Variants in TCF20 observed in about 807,000 individuals in gnomAD.
TCF20 encodes SPRE-binding protein.
In TCF20, 3 loss-of-function variants were observed where a neutral mutation model predicts 148.6. The observed-to-expected ratio is 0.02, with a 90% confidence interval of 0.01 to 0.05. TCF20 has a LOEUF of 0.05. TCF20 is among the 10% of genes least tolerant of loss of function. The pLI is 1.00. For missense variants in TCF20, 2,350 were observed against 2,429.3 expected (o/e 0.97, Z 0.69); for synonymous variants, 1,049 against 909.5 (o/e 1.15, Z -2.76).
At chr22:42,308,145 G>A (rs539886357) in intron 1 of TCF20, among the ~76,000 whole-genome samples, 12 of 152,186 alleles carry the variant, frequency 7.9e-5, no homozygotes, top group East Asian at 5.8e-4. Context: ...TCTATAATGC[G>A]TGGAGCCCTG....
chr22:42,230,932 G>C (rs1923343003), intron 1 of TCF20, among the ~76,000 whole-genome samples: 3 of 152,186 alleles, frequency 2.0e-5, no homozygotes, highest in Non-Finnish European at 4.4e-5. Context: ...GCCAAGGTGG[G>C]TGGATCACAT....
chr22:42,310,437 T>A (rs1456699807), intron 1 of TCF20, among the ~76,000 whole-genome samples: 1 of 108,414 alleles, frequency 9.2e-6, no homozygotes. Context: ...CTCTGGGGGG[T>A]TGTGCGGGGG....
intron 5 of TCF20, among the ~76,000 whole-genome samples, chr22:42,165,025 G>A (rs1935696168): frequency 1.3e-5 from 2 of 152,226 alleles, no homozygotes. Flanking sequence ...GACAGGACTG[G>A]AGGGAGGCCT....
chr22:42,238,826 AG>A (rs1485969369), intron 1 of TCF20, among the ~76,000 whole-genome samples: 1 of 152,258 alleles, frequency 6.6e-6, no homozygotes, highest in East Asian at 1.9e-4. Context: ...CAATTACAAA[AG>A]TAACATCAGG....
At chr22:42,265,570 T>C (rs1249391792) in intron 1 of TCF20, among the ~76,000 whole-genome samples, 2 of 152,240 alleles carry the variant, frequency 1.3e-5, no homozygotes, top group African/African-American at 4.8e-5. Flanking sequence ...AATGGTTTTA[T>C]TGTTTTGCTT....
chr22:42,332,789 A>C (rs553466516), intron 1 of TCF20, among the ~76,000 whole-genome samples: 13 of 152,308 alleles, frequency 8.5e-5, no homozygotes, highest in Non-Finnish European at 1.5e-4. Context: ...TGATAAAGCA[A>C]CTGCATGGGC....
chr22:42,295,111 GC>G, intron 1 of TCF20, among the ~76,000 whole-genome samples: 1 of 152,332 alleles, frequency 6.6e-6, no homozygotes, highest in South Asian at 2.1e-4. Flanking sequence ...AGCGTGGGGG[GC>G]AGGGCACAGG....
chr22:42,321,336 A>G (rs963858342), intron 1 of TCF20, among the ~76,000 whole-genome samples: 4 of 152,206 alleles, frequency 2.6e-5, no homozygotes, highest in African/African-American at 9.6e-5. Flanking sequence ...GGAAGGAAGA[A>G]GCCTGTCCCA....
chr22:42,161,409 C>G (rs930237666), intron 5 of TCF20, 51 bp from the exon 6 acceptor site: 1 of 1,612,826 alleles, frequency 6.2e-7, no homozygotes, highest in Non-Finnish European at 8.5e-7. Context: ...ACAGGGTCCA[C>G]CACCAACAGC....
At chr22:42,255,496 ACAACAAC>A (rs1569189378) in intron 1 of TCF20, among the ~76,000 whole-genome samples, 21 of 121,418 alleles carry the variant, frequency 1.7e-4, no homozygotes, top group Admixed American at 4.8e-4. Flanking sequence ...TCAAACAACA[ACAACAAC>A]AACAACAACA....
At chr22:42,179,110 G>A (rs1569109998) in intron 3 of TCF20, among the ~76,000 whole-genome samples, 1 of 151,116 alleles carries the variant, frequency 6.6e-6, no homozygotes, top group Non-Finnish European at 1.5e-5. Flanking sequence ...GAACACTCAT[G>A]CACTGCCACT....
chr22:42,238,468 C>T (rs1924080060), intron 1 of TCF20, among the ~76,000 whole-genome samples: 1 of 152,192 alleles, frequency 6.6e-6, no homozygotes, highest in Non-Finnish European at 1.5e-5. Flanking sequence ...TAACTTTCTT[C>T]AAGAACCTTT....
intron 1 of TCF20, among the ~76,000 whole-genome samples, chr22:42,252,881 T>C (rs773927737): frequency 2.6e-5 from 4 of 152,168 alleles, no homozygotes; most frequent in Admixed American, 1.3e-4. Flanking sequence ...AACTCTAGAA[T>C]AAAAATACTG....
intron 3 of TCF20, among the ~76,000 whole-genome samples, chr22:42,172,005 T>C (rs1936160449): frequency 6.6e-6 from 1 of 152,152 alleles, no homozygotes; most frequent in South Asian, 2.1e-4. Context: ...TCCCTCTGAG[T>C]TAGAAGCAGA....
chr22:42,195,101 A>G (rs925602255), intron 2 of TCF20, among the ~76,000 whole-genome samples: 1 of 148,518 alleles, frequency 6.7e-6, no homozygotes, highest in Non-Finnish European at 1.5e-5. Flanking sequence ...CTGAATCCCC[A>G]CCAAACCTGT....
chr22:42,209,684 G>A lies in TCF20; in HGVS notation c.5622C>T (p.Gly1874=). 6.2e-7 allele frequency: 1 copy of A among 1,613,824 alleles called. No homozygotes were observed. Among genetic ancestry groups the A allele is most frequent in the Non-Finnish European group, 8.5e-7 (1 of 1,179,862 alleles). ...GIYLVCGRLY[G]LQEALEIARE... is the part of the protein sequence containing the mutation. ...TGGCTATTTCCAGCGCTTCCTGCAG[G>A]CCATAGAGCCTGCCACAAACCAGGT... Residue 1874 remains glycine (G), a synonymous_variant, in exon 2 of 6, where the codon GGC becomes GGT. Transcript: ENST00000677622.
intron 1 of TCF20, among the ~76,000 whole-genome samples, chr22:42,308,247 C>A (rs1043942452): frequency 3.3e-5 from 5 of 152,136 alleles, no homozygotes; most frequent in African/African-American, 1.2e-4. Flanking sequence ...ACCCACCTGA[C>A]CCTCAACCCC....
chr22:42,165,173 T>TC (rs1280950476), intron 5 of TCF20, among the ~76,000 whole-genome samples: 1 of 152,196 alleles, frequency 6.6e-6, no homozygotes, highest in Non-Finnish European at 1.5e-5. Flanking sequence ...CTGGACTGCC[T>TC]CTGGACCAGT....
chr22:42,183,371 G>C lies in TCF20; in HGVS notation c.5656-3669C>G, dbSNP rs116049462. On this transcript the variant is annotated intron_variant, in intron 2 of 5. Coordinates refer to ENST00000677622, the MANE Select transcript of TCF20 (RefSeq NM_001378418.1). Reference sequence around the variant, plus strand: ...ACCTTGAGATGGGAAGAATATGCTAGGTTATCCAGGTGGGCCCAATCTAAT... The same window carrying C: ...ACCTTGAGATGGGAAGAATATGCTACGTTATCCAGGTGGGCCCAATCTAAT... Among the ~76,000 whole-genome samples, 398 of 152,280 alleles carry C rather than the reference G, an allele frequency of 2.6e-3. 2 individuals are homozygous for C. The highest frequency in any genetic ancestry group is 9.0e-3 in the African/African-American group (372 of 41,562).
Sources: allele counts gnomAD v4.1 joint callset (sites outside exome capture counted in the v4.1 genomes callset), GRCh38; gene constraint gnomAD v4.1.1; transcripts MANE v1.5; gene names NCBI Gene and HGNC (gene_info 2026-07-23, HGNC 2026-07-21).